TMEM74: variants seen among roughly 807,000 people sequenced by gnomAD.
TMEM74 encodes the protein transmembrane protein 74.
A neutral mutation model predicts 18.1 loss-of-function variants in TMEM74; 13 were observed. The observed-to-expected ratio is 0.72, with a 90% CI of 0.47 to 1.14. The LOEUF (loss-of-function observed/expected upper bound fraction) is 1.14, where lower values mean the gene tolerates loss of function less well. Among genes scored for constraint, TMEM74 ranks in the 50% most tolerant of loss-of-function variants. The probability of loss-of-function intolerance (pLI) is 0.00; values close to 1 mark genes in which losing one functional copy is unlikely to be tolerated. For synonymous variants in TMEM74, 159 were observed against 146.6 expected (o/e 1.08, Z -0.61); for missense variants, 372 against 375.9 (o/e 0.99, Z 0.09).
intron 1 of TMEM74, among the ~76,000 whole-genome samples, chr8:108,701,359 T>A (rs1018748796): frequency 6.6e-6 from 1 of 152,304 alleles, no homozygotes; most frequent in African/African-American, 2.4e-5. Flanking sequence ...GGTTCACTCT[T>A]CCTTTTCAAC....
chr8:108,673,105 A>G (rs1813019871), intron 1 of TMEM74, among the ~76,000 whole-genome samples: 1 of 152,216 alleles, frequency 6.6e-6, no homozygotes, highest in Admixed American at 6.5e-5. Flanking sequence ...AGAAAATTGG[A>G]TCCACTGTAT....
At chr8:108,733,514 A>T (rs1311834335) in intron 1 of TMEM74, among the ~76,000 whole-genome samples, 2 of 152,140 alleles carry the variant, frequency 1.3e-5, no homozygotes, top group Non-Finnish European at 2.9e-5. Context: ...GGAAAGGGGT[A>T]GGAGGGAAAT....
chr8:108,684,422 GATTTTTTGCCC>G (rs1336320487), intron 1 of TMEM74, among the ~76,000 whole-genome samples: 2 of 151,362 alleles, frequency 1.3e-5, no homozygotes, highest in African/African-American at 4.9e-5. Context: ...TATCTCTTCA[GATTTTTTGCCC>G]ATTTTTTTTT....
Position 108,689,419 on chromosome 8 carries a change from C to T in TMEM74, n.120-33982G>A, listed in dbSNP as rs1289917767. Among the ~76,000 whole-genome samples the T allele has an allele frequency of 2.0e-5, 3 of 152,114 alleles. No individual in the cohort carries two copies. The East Asian group carries it at 5.8e-4, about 29-fold the overall frequency. ...CTGCCCCACAGAATTCTAATGCTGT[C>T]AAGTATGGTAAGACAGATGATCCTA... On this transcript the variant is annotated intron_variant and non_coding_transcript_variant, in intron 1 of 3. Transcript: ENST00000518838.
At chr8:108,717,236 C>T (rs946315169) in intron 1 of TMEM74, among the ~76,000 whole-genome samples, 1 of 151,944 alleles carries the variant, frequency 6.6e-6, no homozygotes, top group African/African-American at 2.4e-5. Flanking sequence ...TCAAAAAAAT[C>T]AAATTAAAAA....
intron 1 of TMEM74, among the ~76,000 whole-genome samples, chr8:108,659,514 T>G (rs987514184): frequency 1.3e-5 from 2 of 152,144 alleles, no homozygotes; most frequent in African/African-American, 4.8e-5. Flanking sequence ...TTTACATGCC[T>G]GGGTGAGCTT....
intron 2 of TMEM74, among the ~76,000 whole-genome samples, chr8:108,632,139 A>G (rs1812558906): frequency 6.6e-6 from 1 of 151,998 alleles, no homozygotes; most frequent in African/African-American, 2.4e-5. Context: ...ATCCCAGCCT[A>G]GAGAATATTG....
chr8:108,718,253 C>T lies in TMEM74; in HGVS notation n.120-62816G>A, dbSNP rs1415265498. Among the ~76,000 whole-genome samples, 23 of 71,114 alleles carry T rather than the reference C, an allele frequency of 3.2e-4. 5 individuals carry two copies. The highest frequency in any genetic ancestry group is 3.8e-4 in the Non-Finnish European group (17 of 44,450). 46.7% of individuals were successfully genotyped at this position (71,114 alleles called of 152,430 possible). A position where few individuals can be genotyped will look rare whatever the true frequency, so the allele number is the denominator to read the frequency against. ...GATTACAGGCGTGAGCCACCGCGCC[C>T]GGCCCTGACTTAGGTTTTAAAAGGA... is the stretch of plus-strand genomic sequence containing the variant. On this transcript the variant is annotated intron_variant and non_coding_transcript_variant, in intron 1 of 3. Transcript: ENST00000518838.
intron 2 of TMEM74, among the ~76,000 whole-genome samples, chr8:108,640,817 A>C (rs1480803440): frequency 6.6e-6 from 1 of 152,186 alleles, no homozygotes; most frequent in South Asian, 2.1e-4. Context: ...AGAAACACTT[A>C]TGTAAACAGT....
chr8:108,723,801 A>G (rs1257198908), intron 1 of TMEM74, among the ~76,000 whole-genome samples: 3 of 152,176 alleles, frequency 2.0e-5, no homozygotes, highest in Non-Finnish European at 2.9e-5. Context: ...TGTGAAATTT[A>G]CTCCTCACAT....
intron 1 of TMEM74, among the ~76,000 whole-genome samples, chr8:108,729,547 A>G (rs1813673972): frequency 6.6e-6 from 1 of 152,254 alleles, no homozygotes; most frequent in African/African-American, 2.4e-5. Flanking sequence ...TTTGCCTATC[A>G]GAATATTTAA....
chr8:108,766,554 C>T (rs558305209), intron 1 of TMEM74, among the ~76,000 whole-genome samples: 2 of 152,244 alleles, frequency 1.3e-5, no homozygotes, highest in East Asian at 1.9e-4. Flanking sequence ...AATGTGCCTC[C>T]AAAACTTTCA....
intron 1 of TMEM74, among the ~76,000 whole-genome samples, chr8:108,677,352 T>A (rs757939190): frequency 1.3e-5 from 2 of 152,172 alleles, no homozygotes; most frequent in Admixed American, 6.5e-5. Flanking sequence ...AAAATATTAA[T>A]CTTCTCAAAT....
intron 1 of TMEM74, among the ~76,000 whole-genome samples, chr8:108,732,640 T>G (rs997866872): frequency 6.6e-6 from 1 of 151,688 alleles, no homozygotes; most frequent in African/African-American, 2.4e-5. Flanking sequence ...GGGAGGAAAA[T>G]CTCAAAAATG....
rs1165802007 is a variant in TMEM74, at chr8:108,632,791, T to TGTGGGA, written n.264+22496_264+22501dup. 3.3e-5 allele frequency among the ~76,000 whole-genome samples: 5 copies of TGTGGGA among 152,142 alleles called. No homozygotes were observed. The East Asian group carries it at 9.7e-4, about 29-fold the overall frequency. ...GTTTCTGAGTAAGTCAGTAACCTAA[T>TGTGGGA]GTGGGAGTCTCTGAACCTTAATTTC... On this transcript the variant is annotated intron_variant and non_coding_transcript_variant, in intron 2 of 3. Transcript: ENST00000518838.
chr8:108,775,235 C>T (rs985404841), downstream of TMEM74, among the ~76,000 whole-genome samples: 1 of 152,138 alleles, frequency 6.6e-6, no homozygotes, highest in African/African-American at 2.4e-5. Flanking sequence ...GTCCTTCTTT[C>T]TGGAAGGAAT....
rs1384598586 is a variant in TMEM74 at position 108,657,856 on chromosome 8, AAAAATATATATATATATAT to A, written n.120-2438_120-2420del. ...AGACACCGTCTCAAAAAAAAAAAAA[AAAAATATATATATATATAT>A]ATATATATATATATATATATATATA... On this transcript the variant is annotated intron_variant and non_coding_transcript_variant, in intron 1 of 3. Transcript: ENST00000518838. 6.6e-4 allele frequency among the ~76,000 whole-genome samples: 46 copies of A among 69,810 alleles called. 2 individuals carry two copies. The highest frequency in any genetic ancestry group is 2.6e-3 in the African/African-American group (39 of 14,800). The allele number at this position is 69,810 out of a possible 152,430, so 45.8% of individuals were successfully genotyped here.
chr8:108,729,293 C>T (rs1294078226), intron 1 of TMEM74, among the ~76,000 whole-genome samples: 1 of 152,172 alleles, frequency 6.6e-6, no homozygotes, highest in Non-Finnish European at 1.5e-5. Flanking sequence ...TAATCATGCT[C>T]TTCATGTGGC....
chr8:108,760,088 G>A (rs947779945), intron 1 of TMEM74, among the ~76,000 whole-genome samples: 6 of 151,552 alleles, frequency 4.0e-5, no homozygotes, highest in South Asian at 2.1e-4. Flanking sequence ...TAAGAGAATC[G>A]CTTGAAGCTG....
Sources: gnomAD v4.1 joint callset for allele counts (sites outside exome capture counted in the v4.1 genomes callset) on GRCh38, gnomAD v4.1.1 for gene constraint, MANE v1.5 for transcripts, NCBI Gene and HGNC (gene_info 2026-07-23, HGNC 2026-07-21) for gene names.